The following PRICKLE2 variants were observed in gnomAD, a reference collection of about 807,000 sequenced individuals.
PRICKLE2 encodes prickle-like protein 2.
Under a neutral mutation model 81.4 loss-of-function variants are expected in PRICKLE2, and 21 were observed. That is an observed-to-expected ratio of 0.26 (90% CI 0.18 to 0.37). PRICKLE2 has a LOEUF of 0.37. Among genes scored for constraint, PRICKLE2 ranks in the 10% least tolerant of loss-of-function variants. The pLI is 1.00. For synonymous variants in PRICKLE2, 456 were observed against 421.5 expected (o/e 1.08, Z -1.00); for missense variants, 940 against 1,109.0 (o/e 0.85, Z 2.16).
chr3:64,219,529 T>C (rs1029833875), intron 1 of PRICKLE2, among the ~76,000 whole-genome samples: 1 of 152,198 alleles, frequency 6.6e-6, no homozygotes, highest in Non-Finnish European at 1.5e-5. Context: ...TCTTCTGACT[T>C]TCCAAGCAAT....
chr3:64,158,055 C>T (rs1470003560), intron 4 of PRICKLE2, among the ~76,000 whole-genome samples: 1 of 152,214 alleles, frequency 6.6e-6, no homozygotes, highest in Non-Finnish European at 1.5e-5. Flanking sequence ...TCACTGGCCA[C>T]CTATGCTTAC....
chr3:64,188,901 C>G (rs103323), intron 2 of PRICKLE2, among the ~76,000 whole-genome samples: 1 of 151,956 alleles, frequency 6.6e-6, no homozygotes, highest in Non-Finnish European at 1.5e-5. Context: ...CTCCTTGCTC[C>G]AGATCATATC....
At position 64,225,053 on chromosome 3, in the gene PRICKLE2, C is replaced by T; in HGVS notation, c.-184G>A. 1.0e-6 allele frequency: 1 copy of T among 985,464 alleles called. No homozygotes were observed. Among genetic ancestry groups the T allele is most frequent in the Non-Finnish European group, 1.2e-6 (1 of 830,042 alleles). The allele number at this position is 985,464 out of a possible 1,614,324, so 61.0% of individuals were successfully genotyped here. A position where few individuals can be genotyped will look rare whatever the true frequency, so the allele number is the denominator to read the frequency against. ...TCAGGCAGCCAAAGCATCTTCTCCTCAAACCCCCTTTTCAGTCTGAACCCT... is the reference window on the plus strand; with the variant it reads ...TCAGGCAGCCAAAGCATCTTCTCCTTAAACCCCCTTTTCAGTCTGAACCCT... On this transcript the variant is annotated 5_prime_UTR_variant, in exon 1 of 8. Coordinates refer to ENST00000638394, the MANE Select transcript of PRICKLE2 (RefSeq NM_198859.4).
At chr3:64,247,881 T>C (rs550887794) in intron 2 of PRICKLE2, among the ~76,000 whole-genome samples, 2 of 152,218 alleles carry the variant, frequency 1.3e-5, no homozygotes, top group Non-Finnish European at 2.9e-5. Flanking sequence ...AAAGTCATTT[T>C]GAGATCAAAG....
Position 64,204,427 on chromosome 3 carries a change from C to T in PRICKLE2, c.-40-5460G>A, listed in dbSNP as rs111960662. Among the ~76,000 whole-genome samples the T allele has an allele frequency of 6.5e-3, 996 of 152,276 alleles. 16 individuals carry two copies. Among genetic ancestry groups the T allele is most frequent in the South Asian group, 0.043 (208 of 4,816 alleles). ...GCTTGTAAGCAGTTAAGCAACTGAA[C>T]TATTCAGAGCAGTTGATCAACCCTA... On this transcript the variant is annotated intron_variant, in intron 1 of 7. Transcript: ENST00000638394.
At chr3:64,104,182 C>G (rs187088632) in intron 7 of PRICKLE2, among the ~76,000 whole-genome samples, 134 of 152,314 alleles carry the variant, frequency 8.8e-4, no homozygotes, top group African/African-American at 3.1e-3. Flanking sequence ...TGCTGCTTAT[C>G]TCTTACATAC....
Position 64,160,004 on chromosome 3 carries a change from T to C in PRICKLE2, c.332A>G (p.Glu111Gly). ...CCTGACATTCCCGCGGCCCAAGTTT[T>C]CGCGTTTCCTCTGGCTGCTGAAAAG... The part of the protein sequence containing the change: ...LKLFSSQRKR[E>G]NLGRGNVRPF... Residue 111 changes from glutamate (E) to glycine (G), a missense_variant, in exon 4 of 8, where the codon GAA (glutamate) becomes GGA (glycine). Coordinates refer to ENST00000638394, the MANE Select transcript of PRICKLE2 (RefSeq NM_198859.4). The C allele has an allele frequency of 6.2e-7, 1 of 1,614,190 alleles. No homozygotes were observed. The highest frequency in any genetic ancestry group is 1.7e-5 in the Admixed American group (1 of 60,028).
intron 4 of PRICKLE2, among the ~76,000 whole-genome samples, chr3:64,159,641 A>G (rs1332244843): frequency 6.6e-6 from 1 of 152,116 alleles, no homozygotes; most frequent in Non-Finnish European, 1.5e-5. Context: ...CTTTGCTCAG[A>G]TCTTCTAAGT....
At chr3:64,153,940 G>C (rs2077585630) in intron 5 of PRICKLE2, 1 of 155,368 alleles carries the variant, frequency 6.4e-6, no homozygotes, top group African/African-American at 2.4e-5. Flanking sequence ...TACAGCACCT[G>C]CCAGGCCCTC....
intron 7 of PRICKLE2, among the ~76,000 whole-genome samples, chr3:64,130,657 C>T (rs1426127371): frequency 6.6e-6 from 1 of 152,170 alleles, no homozygotes; most frequent in Non-Finnish European, 1.5e-5. Context: ...ATCCCAGAAG[C>T]TGGAAACACA....
Position 64,225,091 on chromosome 3 carries a change from C to T in PRICKLE2, c.-222G>A. 1 of 985,442 alleles carries T rather than the reference C, an allele frequency of 1.0e-6. No homozygotes were observed. Among genetic ancestry groups the T allele is most frequent in the Non-Finnish European group, 1.2e-6 (1 of 830,002 alleles). The allele number at this position is 985,442 out of a possible 1,614,324, so 61.0% of individuals were successfully genotyped here. A position where few individuals can be genotyped will look rare whatever the true frequency, so the allele number is the denominator to read the frequency against. ...CAGTCTGAACCCTTCCTGAAGCTGG[C>T]AACAGACTCAAGCCGAGCTGCTCCA... On this transcript the variant is annotated 5_prime_UTR_variant, in exon 1 of 8. Coordinates refer to ENST00000638394, the MANE Select transcript of PRICKLE2 (RefSeq NM_198859.4).
intron 1 of PRICKLE2, among the ~76,000 whole-genome samples, chr3:64,211,254 T>C (rs2078781592): frequency 6.6e-6 from 1 of 152,198 alleles, no homozygotes; most frequent in Non-Finnish European, 1.5e-5. Flanking sequence ...GAAATACTTG[T>C]GGCAGTCAAC....
intron 7 of PRICKLE2, among the ~76,000 whole-genome samples, chr3:64,128,134 G>T (rs2077139397): frequency 6.6e-6 from 1 of 152,122 alleles, no homozygotes; most frequent in African/African-American, 2.4e-5. Context: ...GGCGTTAGAG[G>T]TGGCAGGAGG....
intron 7 of PRICKLE2, among the ~76,000 whole-genome samples, chr3:64,125,520 A>G (rs1474527818): frequency 6.6e-6 from 1 of 152,230 alleles, no homozygotes; most frequent in Non-Finnish European, 1.5e-5. Context: ...AGCCAAGCCA[A>G]CCTTCAGCAA....
intron 2 of PRICKLE2, among the ~76,000 whole-genome samples, chr3:64,233,177 C>G (rs1006219323): frequency 6.6e-6 from 1 of 152,168 alleles, no homozygotes; most frequent in Non-Finnish European, 1.5e-5. Flanking sequence ...TTTCCTCCAC[C>G]ATCATCACAC....
intron 2 of PRICKLE2, chr3:64,194,316 G>C (rs1168361072): frequency 6.6e-6 from 1 of 152,190 alleles, no homozygotes; most frequent in East Asian, 1.9e-4. Flanking sequence ...GAGCATGGTA[G>C]GTGCTCAATA....
chr3:64,193,170 C>T (rs2078377963), intron 2 of PRICKLE2, among the ~76,000 whole-genome samples: 2 of 152,188 alleles, frequency 1.3e-5, no homozygotes, highest in Admixed American at 1.3e-4. Flanking sequence ...CTGCTGCTGT[C>T]TTGTAATATA....
chr3:64,099,768 G>T lies in PRICKLE2; in HGVS notation c.1818C>A (p.Arg606=). Residue 606 remains arginine (R), a synonymous_variant, in exon 8 of 8, where the codon CGC becomes CGA. Transcript: ENST00000638394. This position sits in a 1 kb window ranked among gnomAD's most constrained non-coding sequence, Gnocchi z 4.3. ...GGTACTGCTGGGCAGAGAGCAGGCT[G>T]CGAACTGACTCTGCGCTCCGGAACT... ...SMQFRSAESV[R]SLLSAQQYQE... 6.2e-7 allele frequency: 1 copy of T among 1,614,212 alleles called. No individual in the cohort carries two copies. Among genetic ancestry groups the T allele is most frequent in the Non-Finnish European group, 8.5e-7 (1 of 1,180,032 alleles).
At chr3:64,150,091 G>T (rs2077521034) in intron 6 of PRICKLE2, among the ~76,000 whole-genome samples, 1 of 150,498 alleles carries the variant, frequency 6.6e-6, no homozygotes, top group African/African-American at 2.5e-5. Context: ...CGAGCGCCGT[G>T]GACACTTCCT....
Sources: allele counts gnomAD v4.1 joint callset (sites outside exome capture counted in the v4.1 genomes callset), GRCh38; gene constraint gnomAD v4.1.1; non-coding constraint Gnocchi (gnomAD v3.1); transcripts MANE v1.5; gene names NCBI Gene and HGNC (gene_info 2026-07-23, HGNC 2026-07-21).